SLC35G2: variants seen among roughly 807,000 people sequenced by gnomAD.
SLC35G2 encodes transmembrane protein 22.
In SLC35G2, 20 loss-of-function variants were observed where a neutral mutation model predicts 27.2. The ratio of observed to expected loss-of-function variants is 0.74; its 90% CI spans 0.52 to 1.07. The LOEUF (loss-of-function observed/expected upper bound fraction) is 1.07. Ranked by LOEUF, SLC35G2 falls within the 50% of genes least tolerant of loss-of-function variation. The pLI, the probability that SLC35G2 is intolerant of heterozygous loss-of-function variation, is 0.00. For synonymous variants in SLC35G2, 148 were observed against 165.3 expected (o/e 0.90, Z 0.80); for missense variants, 416 against 493.3 (o/e 0.84, Z 1.48).
At chr3:136,826,599 G>T (rs1190835199) in intron 1 of SLC35G2, among the ~76,000 whole-genome samples, 1 of 151,822 alleles carries the variant, frequency 6.6e-6, no homozygotes, top group Admixed American at 6.6e-5. Flanking sequence ...AATTTCTGTG[G>T]TATCAGTTGT....
In SLC35G2 at chr3:136,840,381, G is replaced by A. The variant is rs901896364; in HGVS notation, c.-18-14062G>A. Among the ~76,000 whole-genome samples the A allele has an allele frequency of 1.2e-4, 19 of 152,200 alleles. No homozygotes were observed. In the East Asian group the frequency reaches 3.7e-3, roughly 29 times the overall value. ...AGTACTGCAGGGAGTCATCCTCAAA[G>A]AGCATTATCACCACTGACCTGTCAC... On this transcript the variant is annotated intron_variant, in intron 1 of 1. Transcript: ENST00000446465.
At chr3:136,844,186 G>A (rs544698798) in intron 1 of SLC35G2, among the ~76,000 whole-genome samples, 3 of 151,662 alleles carry the variant, frequency 2.0e-5, no homozygotes, top group Admixed American at 6.6e-5. Context: ...GTGAGACTCC[G>A]TCTCAAAAAG....
In SLC35G2 at chr3:136,855,117, T is replaced by A. The variant is rs148266973; in HGVS notation, c.657T>A (p.Ala219=). 371 of 1,614,206 alleles carry A rather than the reference T, an allele frequency of 2.3e-4. 1 individual carries two copies. The East Asian group carries it at 8.0e-3, about 35-fold the overall frequency. Reference sequence around the variant, plus strand: ...TTTTACTCGTAGATGAGAAAATGGCTTATGTTGACATGGCTACAGTTGTTT... The same window carrying A: ...TTTTACTCGTAGATGAGAAAATGGCATATGTTGACATGGCTACAGTTGTTT... The part of the protein sequence containing the change: ...LAFLLVDEKM[A]YVDMATVVCS... Residue 219 remains alanine, a synonymous_variant, in exon 2 of 2, where the codon GCT becomes GCA. Transcript: ENST00000446465.
chr3:136,820,733 A>G (rs534630262), intron 1 of SLC35G2, among the ~76,000 whole-genome samples: 250 of 152,242 alleles, frequency 1.6e-3, no homozygotes, highest in African/African-American at 5.9e-3. Context: ...ATTTTTTGAC[A>G]CTTCTAGTAA....
chr3:136,822,833 C>G (rs1305640742), intron 1 of SLC35G2, among the ~76,000 whole-genome samples: 1 of 152,194 alleles, frequency 6.6e-6, no homozygotes. Context: ...TACGTTGCTT[C>G]CAGATCTTGG....
chr3:136,823,682 G>A (rs989541319), intron 1 of SLC35G2, among the ~76,000 whole-genome samples: 4 of 151,696 alleles, frequency 2.6e-5, no homozygotes, highest in Non-Finnish European at 4.4e-5. Flanking sequence ...TGCAACCGCC[G>A]CCTCCCAGGT....
intron 1 of SLC35G2, among the ~76,000 whole-genome samples, chr3:136,845,895 TAA>T (rs75968132): frequency 4.8e-4 from 66 of 136,930 alleles, no homozygotes; most frequent in Admixed American, 5.9e-4. Context: ...CACCCGGCCG[TAA>T]AAAAAAAAAA....
chr3:136,827,598 C>T (rs552098857), intron 1 of SLC35G2, among the ~76,000 whole-genome samples: 9 of 152,052 alleles, frequency 5.9e-5, no homozygotes, highest in Non-Finnish European at 8.8e-5. Flanking sequence ...CATTTATAGC[C>T]GTAAGTTTCT....
intron 1 of SLC35G2, among the ~76,000 whole-genome samples, chr3:136,824,371 T>C (rs2107995214): frequency 6.6e-6 from 1 of 152,330 alleles, no homozygotes; most frequent in African/African-American, 2.4e-5. Context: ...TATTTTTCCA[T>C]TTTTTGGTGT....
In SLC35G2 at chr3:136,819,558, TC is replaced by T. The variant is rs1936393195; in HGVS notation, c.-87del. 5.3e-5 allele frequency: 8 copies of T among 152,150 alleles called. No individual in the cohort carries two copies. The highest frequency in any genetic ancestry group is 1.7e-4 in the African/African-American group (7 of 41,416). The allele number at this position is 152,150 out of a possible 1,614,324, so 9.4% of individuals were successfully genotyped here. A position where few individuals can be genotyped will look rare whatever the true frequency, so the allele number is the denominator to read the frequency against. ...TTTCCGCTGTCGCGTGTCTGGGCCCTCCTGCAGCGTCCATGATGAAGGCCAG... is the reference window on the plus strand; with the variant it reads ...TTTCCGCTGTCGCGTGTCTGGGCCCTCTGCAGCGTCCATGATGAAGGCCAG... On this transcript the variant is annotated 5_prime_UTR_variant, in exon 1 of 2. Transcript: ENST00000446465.
At position 136,854,633 on chromosome 3, in the gene SLC35G2, T is replaced by A. The variant is rs369727486; in HGVS notation, c.173T>A (p.Leu58Gln). 15 of 1,613,370 alleles carry A rather than the reference T, an allele frequency of 9.3e-6. No homozygotes were observed. In the South Asian group the frequency reaches 1.6e-4, roughly 18 times the overall value. Residue 58 changes from leucine (L) to glutamine (Q), a missense_variant, in exon 2 of 2, where the codon CTG becomes CAG. By Grantham distance (113) the Leu-to-Gln change is moderately radical. Transcript: ENST00000446465. ...FMEENPKKGL[L>Q]SEMKKKGRAF... ...GAGGAAAATCCAAAGAAAGGTCTGC[T>A]GAGTGAAATGAAAAAAAAAGGGAGA...
intron 1 of SLC35G2, among the ~76,000 whole-genome samples, chr3:136,822,638 A>T (rs558998126): frequency 6.6e-6 from 1 of 152,230 alleles, no homozygotes; most frequent in African/African-American, 2.4e-5. Context: ...CATGAGTTCA[A>T]TTTTTTTGAT....
At position 136,855,703 on chromosome 3, in the gene SLC35G2, C is replaced by T. The variant is rs201401458; in HGVS notation, c.*4C>T. The T allele has an allele frequency of 3.5e-5, 55 of 1,573,786 alleles. No homozygotes were observed. The highest frequency in any genetic ancestry group is 1.7e-4 in the Middle Eastern group (1 of 5,900). On this transcript the variant is annotated 3_prime_UTR_variant, in exon 2 of 2. Coordinates refer to ENST00000446465, the MANE Select transcript of SLC35G2 (RefSeq NM_025246.3). ...ACTAGACTCTCCCATTAAATGAATA[C>T]CTGATTATTATTGTCTCATTAATGT...
intron 1 of SLC35G2, among the ~76,000 whole-genome samples, chr3:136,824,956 T>C (rs1013210756): frequency 6.6e-6 from 1 of 152,138 alleles, no homozygotes; most frequent in Non-Finnish European, 1.5e-5. Flanking sequence ...CCTGTGTCCA[T>C]GTGTTCTCAT....
chr3:136,830,001 A>G (rs1218188562), intron 1 of SLC35G2, among the ~76,000 whole-genome samples: 1 of 152,040 alleles, frequency 6.6e-6, no homozygotes, highest in Non-Finnish European at 1.5e-5. Flanking sequence ...TCTTTGAATA[A>G]ACTTTCTACC....
intron 1 of SLC35G2, among the ~76,000 whole-genome samples, chr3:136,849,360 G>A (rs535516893): frequency 2.4e-4 from 36 of 151,474 alleles, no homozygotes; most frequent in African/African-American, 8.2e-4. Context: ...ATAATCATAG[G>A]TAATAAGTAT....
chr3:136,836,519 G>A (rs1055000044), intron 1 of SLC35G2, among the ~76,000 whole-genome samples: 6 of 152,122 alleles, frequency 3.9e-5, no homozygotes, highest in Admixed American at 6.6e-5. Flanking sequence ...CCCTTTATTA[G>A]GTCTTCAACA....
intron 1 of SLC35G2, among the ~76,000 whole-genome samples, chr3:136,833,091 A>C (rs1936774255): frequency 6.7e-6 from 1 of 149,976 alleles, no homozygotes; most frequent in South Asian, 2.1e-4. Flanking sequence ...AAAAAAAAAG[A>C]ATAAAACATA....
intron 1 of SLC35G2, chr3:136,819,973 T>G (rs549150668): frequency 1.3e-5 from 2 of 152,384 alleles, no homozygotes; most frequent in East Asian, 3.9e-4. Flanking sequence ...GTAGAATTTC[T>G]ACGCCACGTG....
Sources: gnomAD v4.1 joint callset for allele counts (sites outside exome capture counted in the v4.1 genomes callset) on GRCh38, gnomAD v4.1.1 for gene constraint, MANE v1.5 for transcripts, NCBI Gene and HGNC (gene_info 2026-07-23, HGNC 2026-07-21) for gene names.